The following NLGN4Y variants were observed in gnomAD, a reference collection of about 807,000 sequenced individuals.
The protein encoded by NLGN4Y is neuroligin 4 Y-linked.
Under a neutral mutation model 8.4 loss-of-function variants are expected in NLGN4Y, and 4 were observed. The ratio of observed to expected loss-of-function variants is 0.48; its 90% CI spans 0.23 to 1.09. The LOEUF is 1.09. Among genes scored for constraint, NLGN4Y ranks in the 50% least tolerant of loss-of-function variants. NLGN4Y has a pLI of 0.19. For missense variants in NLGN4Y, 90 were observed against 192.3 expected (o/e 0.47, Z 3.15); for synonymous variants, 35 against 75.6 (o/e 0.46, Z 2.78).
chrY:14,700,260 A>C, intron 2 of NLGN4Y, among the ~76,000 whole-genome samples: 1 of 33,027 alleles, frequency 3.0e-5, no homozygotes, highest in African/African-American at 1.2e-4. Context: ...TAATATTGTG[A>C]TGTTTATGGG....
chrY:14,697,247 A>T (rs781284319), intron 2 of NLGN4Y, among the ~76,000 whole-genome samples: 1 of 31,365 alleles, frequency 3.2e-5, no homozygotes, highest in South Asian at 7.1e-4. Flanking sequence ...ATAGATAGAT[A>T]GATTGATAGA....
chrY:14,661,912 C>T (rs754635941), intron 2 of NLGN4Y, among the ~76,000 whole-genome samples: 26 of 33,780 alleles, frequency 7.7e-4, no homozygotes, highest in African/African-American at 3.0e-3. Flanking sequence ...CTCTTCCAGC[C>T]GTGGTAGAAC....
At chrY:14,525,674 A>AT (rs767253113) in intron 1 of NLGN4Y, among the ~76,000 whole-genome samples, 13 of 30,262 alleles carry the variant, frequency 4.3e-4, no homozygotes, top group African/African-American at 6.5e-4. Context: ...TCTATTGTTC[A>AT]TTTTTTTTGT....
At chrY:14,655,421 A>G in intron 2 of NLGN4Y, among the ~76,000 whole-genome samples, 1 of 30,771 alleles carries the variant, frequency 3.2e-5, no homozygotes, top group Admixed American at 3.0e-4. Context: ...TCCATACTTC[A>G]GCATTTGGAG....
In NLGN4Y at chrY:14,575,361, C is replaced by G. The variant is rs919771776; in HGVS notation, c.-111-46648C>G. On this transcript the variant is annotated intron_variant, in intron 1 of 6. Transcript: ENST00000684976. ...ATTTGATCTTCCATCACTGATACCC[C>G]TTCTTCCAGTTGATCACATCGGCTA... Among the ~76,000 whole-genome samples the G allele has an allele frequency of 2.1e-4, 7 of 33,568 alleles. No individual in the cohort carries two copies. In the South Asian group the frequency reaches 3.4e-3, roughly 16 times the overall value. 90.1% of individuals were successfully genotyped at this position (33,568 alleles called of 37,273 possible).
At chrY:14,525,501 A>G in intron 1 of NLGN4Y, among the ~76,000 whole-genome samples, 1 of 32,902 alleles carries the variant, frequency 3.0e-5, no homozygotes, top group African/African-American at 1.2e-4. Context: ...TGCCCGGAGC[A>G]AGGACGGAGG....
At chrY:14,784,752 G>A in intron 4 of NLGN4Y, among the ~76,000 whole-genome samples, 3 of 32,963 alleles carry the variant, frequency 9.1e-5, no homozygotes, top group Admixed American at 2.7e-4. Flanking sequence ...ATGTCCCTCA[G>A]TGTAGACTGA....
intron 4 of NLGN4Y, among the ~76,000 whole-genome samples, chrY:14,816,747 G>A: frequency 3.0e-5 from 1 of 33,293 alleles, no homozygotes; most frequent in Admixed American, 2.7e-4. Context: ...GTCAGGATTA[G>A]CTAAGGGGAC....
At chrY:14,696,262 C>T in intron 2 of NLGN4Y, among the ~76,000 whole-genome samples, 1 of 32,969 alleles carries the variant, frequency 3.0e-5, no homozygotes, top group Non-Finnish European at 7.5e-5. Context: ...CATGGCTTAT[C>T]GGGTCCTTCC....
chrY:14,626,078 T>C, intron 2 of NLGN4Y, among the ~76,000 whole-genome samples: 1 of 33,752 alleles, frequency 3.0e-5, no homozygotes, highest in Non-Finnish European at 7.4e-5. Context: ...CAAAAAGCCC[T>C]TCCATTCTTC....
chrY:14,774,810 G>C (rs916016616), intron 4 of NLGN4Y, among the ~76,000 whole-genome samples: 2 of 33,163 alleles, frequency 6.0e-5, no homozygotes. Context: ...ATATACACCA[G>C]GGACTACTAT....
chrY:14,562,863 A>G (rs2080237103), intron 1 of NLGN4Y, among the ~76,000 whole-genome samples: 2 of 33,426 alleles, frequency 6.0e-5, no homozygotes, highest in Non-Finnish European at 1.5e-4. Flanking sequence ...TTATCGGTGT[A>G]TAGGAATAGT....
intron 1 of NLGN4Y, among the ~76,000 whole-genome samples, chrY:14,573,772 G>T (rs2080284832): frequency 1.2e-4 from 4 of 33,464 alleles, no homozygotes. Context: ...CTTTGAATGT[G>T]TCCCAGAGAT....
chrY:14,674,333 C>CT (rs751963564), intron 2 of NLGN4Y, among the ~76,000 whole-genome samples: 78 of 20,622 alleles, frequency 3.8e-3, no homozygotes, highest in Admixed American at 8.7e-3. Context: ...TTAATTTTTC[C>CT]TTTTTTTTTT....
chrY:14,614,306 CTT>C (rs2080479712), intron 1 of NLGN4Y, among the ~76,000 whole-genome samples: 1 of 32,754 alleles, frequency 3.1e-5, no homozygotes, highest in Non-Finnish European at 7.5e-5. Flanking sequence ...GTAAATTTGA[CTT>C]TGAGTTGTTT....
At chrY:14,548,415 TC>T (rs2080180000) in intron 1 of NLGN4Y, among the ~76,000 whole-genome samples, 1 of 33,497 alleles carries the variant, frequency 3.0e-5, no homozygotes, top group Non-Finnish European at 7.4e-5. Context: ...GCTATTACAC[TC>T]CAGCTTGGGT....
rs2043226200 is a variant in NLGN4Y at position 14,841,946 on chromosome Y, G to A, written c.*684G>A. On this transcript the variant is annotated 3_prime_UTR_variant, in exon 7 of 7. Transcript: ENST00000684976. ...AGAAAAGCTTTTATTTGTGTTTTCA[G>A]TTTGAAAGAACTTTTAGCAAGGTTG... 12 of 120,352 alleles carry A rather than the reference G, an allele frequency of 1.0e-4. No individual in the cohort carries two copies. The highest frequency in any genetic ancestry group is 2.1e-4 in the Non-Finnish European group (12 of 55,962). The allele number at this position is 120,352 out of a possible 400,897, so 30.0% of individuals were successfully genotyped here.
intron 4 of NLGN4Y, among the ~76,000 whole-genome samples, chrY:14,772,538 G>A (rs2081110683): frequency 3.0e-5 from 1 of 33,426 alleles, no homozygotes; most frequent in Non-Finnish European, 7.4e-5. Context: ...TAGAAAAAGA[G>A]GGATTCATCC....
intron 1 of NLGN4Y, among the ~76,000 whole-genome samples, chrY:14,584,269 A>G: frequency 3.0e-5 from 1 of 33,298 alleles, no homozygotes; most frequent in African/African-American, 1.2e-4. Flanking sequence ...CTAGGACAGC[A>G]GGCAGGTACC....
Sources: allele counts gnomAD v4.1 joint callset (sites outside exome capture counted in the v4.1 genomes callset), GRCh38; gene constraint gnomAD v4.1.1; transcripts MANE v1.5; gene names NCBI Gene and HGNC (gene_info 2026-07-23, HGNC 2026-07-21).